The following NEMP2 variants were observed in gnomAD, a reference collection of about 807,000 sequenced individuals.
The protein encoded by NEMP2 is UPF0571 transmembrane protein.
A neutral mutation model predicts 54.2 loss-of-function variants in NEMP2; 53 were observed. That is an observed-to-expected ratio of 0.98 (90% confidence interval 0.78 to 1.23). NEMP2 has a LOEUF of 1.23. Ranked by LOEUF, NEMP2 falls within the 50% of genes most tolerant of loss-of-function variation. The pLI is 0.00. For synonymous variants in NEMP2, 197 were observed against 190.3 expected, an observed-to-expected ratio of 1.04 and a Z score of -0.29; for missense variants, 455 against 511.3, an observed-to-expected ratio of 0.89 and a Z score of 1.06.
the NEMP2 span, among the ~76,000 whole-genome samples, chr2:190,639,109 T>C: frequency 6.6e-6 from 1 of 152,168 alleles, no homozygotes; most frequent in Non-Finnish European, 1.5e-5. Flanking sequence ...ATTTGTGACA[T>C]CAGATTAAAG....
At chr2:190,471,638 G>A in the NEMP2 span, among the ~76,000 whole-genome samples, 1 of 152,206 alleles carries the variant, frequency 6.6e-6, no homozygotes, top group South Asian at 2.1e-4. The surrounding 1 kb of genome is among the most constrained non-coding windows in gnomAD (Gnocchi z 4.7). Flanking sequence ...AAGGAGGCCT[G>A]CCTGCCTCAG....
chr2:190,431,978 T>C, the NEMP2 span, among the ~76,000 whole-genome samples: 6 of 152,242 alleles, frequency 3.9e-5, no homozygotes, highest in Admixed American at 3.9e-4. The surrounding 1 kb of genome is among the most constrained non-coding windows in gnomAD (Gnocchi z 4.4). Flanking sequence ...TTCAAAAGTA[T>C]TTTCCTTTTT....
intron 4 of NEMP2, among the ~76,000 whole-genome samples, chr2:190,518,105 A>C (rs996887093): frequency 2.7e-5 from 4 of 149,746 alleles, no homozygotes; most frequent in Non-Finnish European, 5.9e-5. Context: ...CTTCAAAATG[A>C]ACAATGTTAA....
At chr2:190,437,517 A>C in the NEMP2 span, 1 of 1,614,128 alleles carries the variant, frequency 6.2e-7, no homozygotes, top group South Asian at 1.1e-5. The surrounding 1 kb of genome is among the most constrained non-coding windows in gnomAD (Gnocchi z 5.9). Context: ...AGCTGACAGC[A>C]TATTTTTTTA....
At chr2:190,442,389 G>T in the NEMP2 span, among the ~76,000 whole-genome samples, 1 of 152,138 alleles carries the variant, frequency 6.6e-6, no homozygotes, top group Non-Finnish European at 1.5e-5. Flanking sequence ...GCTGGGATCA[G>T]TAACCTGAAT....
chr2:190,547,016 A>C, the NEMP2 span, among the ~76,000 whole-genome samples: 2 of 152,178 alleles, frequency 1.3e-5, no homozygotes, highest in South Asian at 2.1e-4. This position sits in a 1 kb window ranked among gnomAD's most constrained non-coding sequence, Gnocchi z 6.2. Context: ...ATCACAACCA[A>C]ATATAGGGAG....
downstream of NEMP2, among the ~76,000 whole-genome samples, chr2:190,503,144 C>A (rs547186469): frequency 1.3e-5 from 2 of 152,302 alleles, no homozygotes; most frequent in African/African-American, 4.8e-5. This position sits in a 1 kb window ranked among gnomAD's most constrained non-coding sequence, Gnocchi z 6.3. Context: ...AGAAATGCTT[C>A]AAATTCCTGA....
the NEMP2 span, among the ~76,000 whole-genome samples, chr2:190,578,941 A>G: frequency 2.0e-5 from 3 of 152,124 alleles, no homozygotes; most frequent in Admixed American, 6.5e-5. The surrounding 1 kb of genome is among the most constrained non-coding windows in gnomAD (Gnocchi z 4.4). Context: ...TGTTTGCCAG[A>G]TATTTGACCC....
chr2:190,512,947 G>A lies in NEMP2; in HGVS notation c.953+1506C>T, dbSNP rs1459052981. ...CAGTCACCAGTTCCATAAACTACCA[G>A]TCACCATAGTGTCCTTCCTCACAGC... is the stretch of plus-strand genomic sequence containing the variant. On this transcript the variant is annotated intron_variant, in intron 7 of 8. Transcript: ENST00000409150. The surrounding 1 kb of genome is among the most constrained non-coding windows in gnomAD (Gnocchi z 4.5). Among the ~76,000 whole-genome samples, 1 of 152,176 alleles carries A rather than the reference G, an allele frequency of 6.6e-6. No individual in the cohort carries two copies. The highest frequency in any genetic ancestry group is 1.9e-4 in the East Asian group (1 of 5,192).
In NEMP2 at chr2:190,507,199, C is replaced by A. The variant is rs1376745086; in HGVS notation, c.*1990G>T. ...GCAGAAACTGACAAACCTATGATTT[C>A]CTCTAAAAATAAACATGGAAAACAA... On this transcript the variant is annotated 3_prime_UTR_variant, in exon 9 of 9. Coordinates refer to ENST00000409150, the MANE Select transcript of NEMP2 (RefSeq NM_001142645.2). This position sits in a 1 kb window ranked among gnomAD's most constrained non-coding sequence, Gnocchi z 4.4. 1 of 152,186 alleles carries A rather than the reference C, an allele frequency of 6.6e-6. No individual in the cohort carries two copies. Among genetic ancestry groups the A allele is most frequent in the African/African-American group, 2.4e-5 (1 of 41,432 alleles). 9.4% of individuals were successfully genotyped at this position (152,186 alleles called of 1,614,324 possible). A position where few individuals can be genotyped will look rare whatever the true frequency, so the allele number is the denominator to read the frequency against.
chr2:190,456,013 T>C, the NEMP2 span, among the ~76,000 whole-genome samples: 1 of 131,648 alleles, frequency 7.6e-6, no homozygotes, highest in African/African-American at 2.8e-5. The surrounding 1 kb of genome is among the most constrained non-coding windows in gnomAD (Gnocchi z 5.4). Context: ...TGATCTCGGC[T>C]CACTGCAACC....
the NEMP2 span, chr2:190,624,685 T>C: frequency 6.6e-6 from 1 of 152,138 alleles, no homozygotes; most frequent in African/African-American, 2.4e-5. Flanking sequence ...GGTCATTATG[T>C]TGAGTGAAAT....
At chr2:190,558,963 T>C in the NEMP2 span, among the ~76,000 whole-genome samples, 1 of 152,238 alleles carries the variant, frequency 6.6e-6, no homozygotes, top group African/African-American at 2.4e-5. This position sits in a 1 kb window ranked among gnomAD's most constrained non-coding sequence, Gnocchi z 4.4. Context: ...GCATTTTCCA[T>C]TTTAATCTAT....
chr2:190,459,428 T>C, the NEMP2 span, among the ~76,000 whole-genome samples: 5 of 152,248 alleles, frequency 3.3e-5, no homozygotes, highest in Non-Finnish European at 7.3e-5. The surrounding 1 kb of genome is among the most constrained non-coding windows in gnomAD (Gnocchi z 5.3). Flanking sequence ...TTGTGTCATA[T>C]GTATACCTTA....
the NEMP2 span, among the ~76,000 whole-genome samples, chr2:190,566,608 GAAAAT>G: frequency 9.2e-6 from 1 of 108,372 alleles, no homozygotes; most frequent in Non-Finnish European, 1.8e-5. Context: ...AGAAAAGAAA[GAAAAT>G]AAAAAAGAAA....
Position 190,529,855 on chromosome 2 carries a change from C to A in NEMP2, c.98-4477G>T, listed in dbSNP as rs1462651966. On this transcript the variant is annotated intron_variant, in intron 1 of 8. Coordinates refer to ENST00000409150, the MANE Select transcript of NEMP2 (RefSeq NM_001142645.2). This position sits in a 1 kb window ranked among gnomAD's most constrained non-coding sequence, Gnocchi z 4.7. ...TGCCCTTGCCAGCCTGTGCCACTGC[C>A]ATCCCATTTACAGAACTGACAAAGC... Among the ~76,000 whole-genome samples the A allele has an allele frequency of 1.3e-5, 2 of 152,184 alleles. No individual in the cohort carries two copies. The highest frequency in any genetic ancestry group is 4.8e-5 in the African/African-American group (2 of 41,434).
chr2:190,437,397 C>T, the NEMP2 span: 6 of 1,614,108 alleles, frequency 3.7e-6, no homozygotes, highest in African/African-American at 2.7e-5. This position sits in a 1 kb window ranked among gnomAD's most constrained non-coding sequence, Gnocchi z 5.9. Flanking sequence ...TGGCTTGGTT[C>T]ATGGGTTTTG....
chr2:190,483,113 C>T, the NEMP2 span, among the ~76,000 whole-genome samples: 2 of 150,822 alleles, frequency 1.3e-5, no homozygotes, highest in South Asian at 4.2e-4. Context: ...AGGATGGTCT[C>T]GATCTCCTGA....
At chr2:190,445,551 A>G in the NEMP2 span, among the ~76,000 whole-genome samples, 5 of 151,718 alleles carry the variant, frequency 3.3e-5, no homozygotes, top group Non-Finnish European at 7.4e-5. Flanking sequence ...CCTCAGAAAC[A>G]CAAAACATAC....
Sources: allele counts gnomAD v4.1 joint callset (sites outside exome capture counted in the v4.1 genomes callset), GRCh38; gene constraint gnomAD v4.1.1; non-coding constraint Gnocchi (gnomAD v3.1); transcripts MANE v1.5; gene names NCBI Gene and HGNC (gene_info 2026-07-23, HGNC 2026-07-21).